Variants in ELP4 observed in about 807,000 individuals in gnomAD.
ELP4 encodes the protein elongator acetyltransferase complex subunit 4.
A neutral mutation model predicts 48.9 loss-of-function variants in ELP4; 51 were observed. The ratio of observed to expected loss-of-function variants is 1.04; its 90% confidence interval spans 0.83 to 1.32. ELP4 has a LOEUF of 1.32. Ranked by LOEUF, ELP4 falls within the 40% of genes most tolerant of loss-of-function variation. ELP4 has a pLI of 0.00. For synonymous variants in ELP4, 210 were observed against 189.2 expected (o/e 1.11, Z -0.90); for missense variants, 519 against 514.6 (o/e 1.01, Z -0.08).
At chr11:31,621,917 T>A (rs760088170) in intron 5 of ELP4, among the ~76,000 whole-genome samples, 1 of 151,874 alleles carries the variant, frequency 6.6e-6, no homozygotes, top group Non-Finnish European at 1.5e-5. Flanking sequence ...GTTTGAGTTT[T>A]AAGTGCCGTT....
At chr11:31,728,255 T>C (rs1947116191) in intron 9 of ELP4, among the ~76,000 whole-genome samples, 1 of 152,146 alleles carries the variant, frequency 6.6e-6, no homozygotes, top group South Asian at 2.1e-4. Context: ...GTTTTTCTTG[T>C]ATACATATAG....
chr11:31,584,522 T>TTTG (rs747063838), intron 3 of ELP4, among the ~76,000 whole-genome samples: 21 of 152,046 alleles, frequency 1.4e-4, no homozygotes, highest in South Asian at 4.2e-4. Context: ...TTTGTTTTGT[T>TTTG]TTGTTGTTGT....
At chr11:31,514,258 A>G (rs1956065691) in intron 1 of ELP4, among the ~76,000 whole-genome samples, 1 of 152,154 alleles carries the variant, frequency 6.6e-6, no homozygotes. Flanking sequence ...TGGGAGTTTG[A>G]GACAAGCCTG....
chr11:31,718,765 T>C (rs1946894222), intron 9 of ELP4, among the ~76,000 whole-genome samples: 2 of 152,226 alleles, frequency 1.3e-5, no homozygotes, highest in South Asian at 4.1e-4. Context: ...GCTAGTGTCA[T>C]AGTAAACAAG....
chr11:31,665,476 C>G (rs1259199013), intron 9 of ELP4, among the ~76,000 whole-genome samples: 1 of 151,974 alleles, frequency 6.6e-6, no homozygotes, highest in Non-Finnish European at 1.5e-5. Context: ...GTTAGCTTCA[C>G]CGTGTGTTTA....
Position 31,547,770 on chromosome 11 carries a change from T to A in ELP4, c.381+7987T>A, listed in dbSNP as rs1043924985. On this transcript the variant is annotated intron_variant, in intron 3 of 9. Transcript: ENST00000640961. ...CTGGCAAACCGAATCCAGCAGCACA[T>A]CAAAAAGCTTATCCACCACGATCAA... Among the ~76,000 whole-genome samples the A allele has an allele frequency of 3.3e-5, 5 of 152,098 alleles. 1 individual carries two copies. In the East Asian group the frequency reaches 5.8e-4, roughly 18 times the overall value.
chr11:31,632,463 G>T, intron 7 of ELP4, 58 bp downstream of exon 7: 1 of 1,389,276 alleles, frequency 7.2e-7, no homozygotes, highest in Non-Finnish European at 9.6e-7. Context: ...ATGACATTGT[G>T]GTTTTAGTTT....
intron 3 of ELP4, among the ~76,000 whole-genome samples, chr11:31,560,863 G>A (rs1399561931): frequency 6.6e-6 from 1 of 151,510 alleles, no homozygotes; most frequent in Admixed American, 6.6e-5. Context: ...GCTATATTTA[G>A]ATACCCAAAT....
chr11:31,725,546 G>A (rs1947058210), intron 9 of ELP4, among the ~76,000 whole-genome samples: 1 of 152,192 alleles, frequency 6.6e-6, no homozygotes, highest in Non-Finnish European at 1.5e-5. Context: ...GATGTTCACT[G>A]GGGAATGGAG....
At chr11:31,782,915 A>G (rs192540226) in intron 9 of ELP4, among the ~76,000 whole-genome samples, 22 of 152,332 alleles carry the variant, frequency 1.4e-4, no homozygotes, top group African/African-American at 5.1e-4. Context: ...CGTCAGGTCA[A>G]CTAATAGACA....
At chr11:31,648,380 A>G (rs1945249503) in intron 8 of ELP4, 1 of 151,418 alleles carries the variant, frequency 6.6e-6, no homozygotes, top group Non-Finnish European at 1.5e-5. Context: ...CCACCTTGAT[A>G]TAAACACAGC....
chr11:31,591,131 GAC>G (rs1957562348), intron 3 of ELP4, among the ~76,000 whole-genome samples: 1 of 152,128 alleles, frequency 6.6e-6, no homozygotes, highest in East Asian at 1.9e-4. Context: ...ATAAGGGCCA[GAC>G]ACAGTGCTCA....
At chr11:31,536,721 G>A (rs1046156748) in intron 2 of ELP4, among the ~76,000 whole-genome samples, 1 of 152,146 alleles carries the variant, frequency 6.6e-6, no homozygotes, top group African/African-American at 2.4e-5. Context: ...CATTTTATTT[G>A]CTCCACATAC....
At position 31,783,394 on chromosome 11, in the gene ELP4, G is replaced by A. The variant is rs776578960; in HGVS notation, c.1145G>A (p.Arg382Gln). 25 of 1,607,806 alleles carry A rather than the reference G, an allele frequency of 1.6e-5. No individual in the cohort carries two copies. Among genetic ancestry groups the A allele is most frequent in the Admixed American group, 1.0e-4 (6 of 58,866 alleles). Residue 382 changes from arginine to glutamine, a missense_variant and splice_region_variant, in exon 10 of 10, where the codon CGA (arginine) becomes CAA (glutamine). Coordinates refer to ENST00000640961, the MANE Select transcript of ELP4 (RefSeq NM_019040.5). ...TTCTCCTGAAATCTTCTGCCATAGC[G>A]ACTGCATTTGCCTCCAGACTTGTCA... ...KLKRKLFTIE[R>Q]LHLPPDLSDT...
At chr11:31,589,773 G>A (rs1009425290) in intron 3 of ELP4, among the ~76,000 whole-genome samples, 10 of 152,132 alleles carry the variant, frequency 6.6e-5, no homozygotes, top group African/African-American at 2.4e-4. Context: ...CCTTTACTAA[G>A]TTTATTAAAA....
At chr11:31,701,579 C>T (rs1270571548) in intron 9 of ELP4, among the ~76,000 whole-genome samples, 1 of 151,712 alleles carries the variant, frequency 6.6e-6, no homozygotes, top group African/African-American at 2.4e-5. Flanking sequence ...TTTATAATAG[C>T]TCTGTCTCCT....
intron 2 of ELP4, among the ~76,000 whole-genome samples, chr11:31,528,704 G>T (rs1288502283): frequency 6.6e-6 from 1 of 152,034 alleles, no homozygotes; most frequent in African/African-American, 2.4e-5. Context: ...GGAAAGTTTA[G>T]AATTAGTACC....
intron 9 of ELP4, among the ~76,000 whole-genome samples, chr11:31,757,995 A>G (rs1423592804): frequency 2.0e-5 from 3 of 152,210 alleles, no homozygotes; most frequent in Admixed American, 6.5e-5. Context: ...ACTTACTGCC[A>G]TGAGTTTCTG....
intron 9 of ELP4, 55 bp downstream of exon 9, chr11:31,650,276 T>C: frequency 1.8e-6 from 1 of 567,436 alleles, no homozygotes; most frequent in Non-Finnish European, 3.2e-6. Flanking sequence ...TATTTTTAAC[T>C]TATTTTTACT....
Sources: allele counts gnomAD v4.1 joint callset (sites outside exome capture counted in the v4.1 genomes callset), GRCh38; gene constraint gnomAD v4.1.1; transcripts MANE v1.5; gene names NCBI Gene and HGNC (gene_info 2026-07-23, HGNC 2026-07-21).